KLHL29: variants seen among roughly 807,000 people sequenced by gnomAD.
KLHL29 encodes kelch like family member 29, also known as kelch-like protein 29.
Under a neutral mutation model 80.4 loss-of-function variants are expected in KLHL29, and 21 were observed. The ratio of observed to expected loss-of-function variants is 0.26; its 90% CI spans 0.19 to 0.38. KLHL29 has a LOEUF of 0.38. Among genes scored for constraint, KLHL29 ranks in the 10% least tolerant of loss-of-function variants. KLHL29 has a pLI of 1.00. For synonymous variants in KLHL29, 511 were observed against 526.8 expected (o/e 0.97, Z 0.41); for missense variants, 867 against 1,223.9 (o/e 0.71, Z 4.35).
chr2:23,477,371 C>T (rs1273526628), intron 2 of KLHL29, among the ~76,000 whole-genome samples: 2 of 152,256 alleles, frequency 1.3e-5, no homozygotes, highest in Non-Finnish European at 2.9e-5. Context: ...TGTCCCCTGC[C>T]AGAACCCTTG....
intron 2 of KLHL29, among the ~76,000 whole-genome samples, chr2:23,544,114 G>A (rs968266131): frequency 6.6e-6 from 1 of 152,220 alleles, no homozygotes; most frequent in Non-Finnish European, 1.5e-5. Context: ...TCAGATAGGG[G>A]CAGTCTGGTG....
chr2:23,532,332 T>C (rs929101433), intron 2 of KLHL29, among the ~76,000 whole-genome samples: 1 of 152,226 alleles, frequency 6.6e-6, no homozygotes, highest in Admixed American at 6.5e-5. Context: ...CTGCAGTACA[T>C]AGACAACACC....
intron 2 of KLHL29, among the ~76,000 whole-genome samples, chr2:23,554,432 C>G (rs974702388): frequency 6.6e-6 from 1 of 152,192 alleles, no homozygotes; most frequent in Non-Finnish European, 1.5e-5. Flanking sequence ...GGAGACAGCG[C>G]GGGTCCCCTG....
chr2:23,432,057 C>T (rs146278633), intron 1 of KLHL29, among the ~76,000 whole-genome samples: 11 of 152,246 alleles, frequency 7.2e-5, no homozygotes, highest in African/African-American at 2.2e-4. Flanking sequence ...TCCAGATCAC[C>T]ATTTCTCGAA....
intron 2 of KLHL29, among the ~76,000 whole-genome samples, chr2:23,523,202 C>T (rs1386367178): frequency 3.3e-5 from 5 of 152,314 alleles, no homozygotes; most frequent in Non-Finnish European, 5.9e-5. Flanking sequence ...TGCCTGTCAG[C>T]GGCAGCACGG....
chr2:23,658,394 T>C (rs747901747), intron 5 of KLHL29, among the ~76,000 whole-genome samples: 8 of 152,240 alleles, frequency 5.3e-5, no homozygotes, highest in South Asian at 2.1e-4. Context: ...GCCTCACCAA[T>C]TGCTGATTAG....
intron 2 of KLHL29, among the ~76,000 whole-genome samples, chr2:23,535,757 G>A (rs991078383): frequency 3.9e-5 from 6 of 152,148 alleles, no homozygotes; most frequent in Non-Finnish European, 5.9e-5. Flanking sequence ...TCGGGGAGGC[G>A]GGAAAGGGGA....
chr2:23,430,069 C>T (rs1390177686), intron 1 of KLHL29, among the ~76,000 whole-genome samples: 1 of 152,092 alleles, frequency 6.6e-6, no homozygotes, highest in Non-Finnish European at 1.5e-5. Flanking sequence ...GGATTTGAAC[C>T]CTTGCCGTGT....
intron 2 of KLHL29, among the ~76,000 whole-genome samples, chr2:23,531,509 A>G (rs779743204): frequency 6.6e-6 from 1 of 152,210 alleles, no homozygotes; most frequent in Non-Finnish European, 1.5e-5. Flanking sequence ...CCGAGCCGCC[A>G]GGACGGAGCT....
At chr2:23,502,030 C>T (rs1665461171) in intron 2 of KLHL29, among the ~76,000 whole-genome samples, 1 of 152,190 alleles carries the variant, frequency 6.6e-6, no homozygotes, top group Non-Finnish European at 1.5e-5. Flanking sequence ...CTCCTGCTGG[C>T]TCCTGGGCCC....
At chr2:23,703,117 CCTTG>C (rs1672497829) in intron 11 of KLHL29, 65 bp from the exon 12 acceptor site, 12 of 1,187,794 alleles carry the variant, frequency 1.0e-5, no homozygotes, top group Non-Finnish European at 1.2e-5. Context: ...AGTTTGCTGC[CCTTG>C]CTTGTGACCT....
Position 23,696,006 on chromosome 2 carries a change from G to T in KLHL29, c.1797G>T (p.Gln599His). ...GCCGTCAGATGGTGGGGATGACCCAGCGCTCGCTGGTGGCCGTCACCTGCT... is the reference window on the plus strand; with the variant it reads ...GCCGTCAGATGGTGGGGATGACCCATCGCTCGCTGGTGGCCGTCACCTGCT... ...VGGRQMVGMT[Q>H]RSLVAVTCWN... Residue 599 changes from glutamine to histidine, a missense_variant, in exon 10 of 14, where the codon CAG (glutamine) becomes CAT (histidine). Coordinates refer to ENST00000486442, the MANE Select transcript of KLHL29 (RefSeq NM_052920.2). This position sits in a 1 kb window ranked among gnomAD's most constrained non-coding sequence, Gnocchi z 5.5. The T allele has an allele frequency of 6.4e-7, 1 of 1,551,690 alleles. No homozygotes were observed. The highest frequency in any genetic ancestry group is 8.7e-7 in the Non-Finnish European group (1 of 1,146,994).
intron 6 of KLHL29, among the ~76,000 whole-genome samples, chr2:23,685,088 C>T (rs1442978233): frequency 6.6e-6 from 1 of 152,230 alleles, no homozygotes; most frequent in Non-Finnish European, 1.5e-5. Flanking sequence ...GGCCACACTG[C>T]ATGTCTGATC....
intron 3 of KLHL29, among the ~76,000 whole-genome samples, chr2:23,635,212 G>C (rs150499335): frequency 6.6e-6 from 1 of 152,238 alleles, no homozygotes; most frequent in Non-Finnish European, 1.5e-5. Flanking sequence ...TCGCAGACTC[G>C]TGGGTACACA....
At chr2:23,584,925 A>C (rs1316072544) in intron 3 of KLHL29, among the ~76,000 whole-genome samples, 4 of 152,092 alleles carry the variant, frequency 2.6e-5, no homozygotes, top group African/African-American at 4.8e-5. Context: ...TTAGTGGAGA[A>C]GGGGTTTCGC....
At chr2:23,646,526 G>A (rs977352496) in intron 5 of KLHL29, among the ~76,000 whole-genome samples, 1 of 152,194 alleles carries the variant, frequency 6.6e-6, no homozygotes, top group Non-Finnish European at 1.5e-5. Flanking sequence ...GTGTCAACCT[G>A]AGCAGGGAAA....
At position 23,706,468 on chromosome 2, in the gene KLHL29, T is replaced by A; in HGVS notation, c.2445-13T>A. On this transcript the variant is annotated splice_polypyrimidine_tract_variant and intron_variant, in intron 13 of 13. Transcript: ENST00000486442. Reference sequence around the variant, plus strand: ...GTGAAATGCCTAACTCTGTCCCCGCTTTCCCCCAACAGTGCTGTGGTGCTT... The same window carrying A: ...GTGAAATGCCTAACTCTGTCCCCGCATTCCCCCAACAGTGCTGTGGTGCTT... 6.8e-7 allele frequency: 1 copy of A among 1,467,078 alleles called. No individual in the cohort carries two copies. The highest frequency in any genetic ancestry group is 9.0e-7 in the Non-Finnish European group (1 of 1,110,260). 90.9% of individuals were successfully genotyped at this position (1,467,078 alleles called of 1,614,324 possible). A position where few individuals can be genotyped will look rare whatever the true frequency, so the allele number is the denominator to read the frequency against.
chr2:23,512,634 G>A (rs866793236), intron 2 of KLHL29, among the ~76,000 whole-genome samples: 1 of 152,136 alleles, frequency 6.6e-6, no homozygotes, highest in Non-Finnish European at 1.5e-5. Flanking sequence ...AAGATATCAC[G>A]GCTGTTCTCT....
chr2:23,533,073 G>A (rs1016225282), intron 2 of KLHL29, among the ~76,000 whole-genome samples: 3 of 152,198 alleles, frequency 2.0e-5, no homozygotes, highest in Non-Finnish European at 4.4e-5. Context: ...CTGCCAACCA[G>A]TGGCTTCCCT....
Sources: allele counts gnomAD v4.1 joint callset (sites outside exome capture counted in the v4.1 genomes callset), GRCh38; gene constraint gnomAD v4.1.1; non-coding constraint Gnocchi (gnomAD v3.1); transcripts MANE v1.5; gene names NCBI Gene and HGNC (gene_info 2026-07-23, HGNC 2026-07-21).